Variants in DCDC1 observed in about 807,000 individuals in gnomAD.
DCDC1 encodes the protein doublecortin domain containing 1, also known as doublecortin domain-containing protein 1.
Under a neutral mutation model 178.3 loss-of-function variants are expected in DCDC1, and 200 were observed. That is an observed-to-expected ratio of 1.12 (90% confidence interval 1.00 to 1.26). DCDC1 has a LOEUF of 1.26. Among genes scored for constraint, DCDC1 ranks in the 50% most tolerant of loss-of-function variants. The pLI is 0.00. For missense variants in DCDC1, 1,983 were observed against 1,749.2 expected (o/e 1.13, Z -2.38); for synonymous variants, 690 against 604.8 (o/e 1.14, Z -2.07).
chr11:31,243,567 G>A (rs1297993107), intron 8 of DCDC1, among the ~76,000 whole-genome samples: 5 of 151,114 alleles, frequency 3.3e-5, no homozygotes, highest in Non-Finnish European at 5.9e-5. Flanking sequence ...TCAGCTCAAG[G>A]GATTCCAAAA....
At chr11:31,167,989 G>T (rs917310717) in intron 9 of DCDC1, among the ~76,000 whole-genome samples, 1 of 152,104 alleles carries the variant, frequency 6.6e-6, no homozygotes, top group African/African-American at 2.4e-5. Context: ...AATGCCCTGG[G>T]TATGTGTGCA....
intron 1 of DCDC1, among the ~76,000 whole-genome samples, chr11:31,359,243 A>T (rs1157073651): frequency 4.6e-5 from 7 of 152,204 alleles, no homozygotes; most frequent in Non-Finnish European, 8.8e-5. Flanking sequence ...ACCATGGAAT[A>T]CTATGCAGCC....
chr11:31,119,969 G>A (rs1038167685), intron 11 of DCDC1, among the ~76,000 whole-genome samples: 2 of 152,174 alleles, frequency 1.3e-5, no homozygotes, highest in African/African-American at 4.8e-5. Context: ...TCAAAAAGGT[G>A]TTCTATGCTT....
intron 9 of DCDC1, among the ~76,000 whole-genome samples, chr11:31,149,112 A>G (rs1964839575): frequency 6.6e-6 from 1 of 152,210 alleles, no homozygotes. Context: ...TATGGTGTAT[A>G]TATACCACGT....
chr11:31,205,484 G>T (rs1971759484), intron 9 of DCDC1, among the ~76,000 whole-genome samples: 1 of 152,144 alleles, frequency 6.6e-6, no homozygotes, highest in Admixed American at 6.5e-5. Flanking sequence ...CAGAGTTAAT[G>T]TTATTGGATC....
intron 3 of DCDC1, 35 bp from the exon 4 acceptor site, chr11:31,307,943 T>C (rs549378859): frequency 6.2e-7 from 1 of 1,608,738 alleles, no homozygotes; most frequent in South Asian, 1.1e-5. Context: ...ATACAATTAA[T>C]TGATTTGTAA....
At chr11:31,011,097 C>A (rs1348563984) in intron 20 of DCDC1, among the ~76,000 whole-genome samples, 3 of 151,964 alleles carry the variant, frequency 2.0e-5, no homozygotes, top group Non-Finnish European at 4.4e-5. Context: ...ATAAATAGTG[C>A]TGCAACAATT....
At chr11:31,148,918 C>A (rs1193014476) in intron 9 of DCDC1, among the ~76,000 whole-genome samples, 1 of 151,934 alleles carries the variant, frequency 6.6e-6, no homozygotes, top group African/African-American at 2.4e-5. Flanking sequence ...CCCAAGTCCC[C>A]AAAATCCATT....
chr11:31,045,356 A>G (rs536511888), intron 20 of DCDC1, among the ~76,000 whole-genome samples: 1 of 151,566 alleles, frequency 6.6e-6, no homozygotes, highest in African/African-American at 2.4e-5. Flanking sequence ...CTCTCCCTCA[A>G]GTTTACTGAA....
In DCDC1 at chr11:31,098,382, T is replaced by C. The variant is rs182640326; in HGVS notation, c.1983+3795A>G. On this transcript the variant is annotated intron_variant, in intron 15 of 38. Transcript: ENST00000684477. ...GTCAATGTGTAGTAGATTCCAAATC[T>C]GTTTTTGAAATGGATAAGAGAGCAA... Among the ~76,000 whole-genome samples the C allele has an allele frequency of 6.4e-4, 98 of 152,312 alleles. 1 individual carries two copies. Among genetic ancestry groups the C allele is most frequent in the African/African-American group, 2.0e-3 (85 of 41,584 alleles).
intron 20 of DCDC1, among the ~76,000 whole-genome samples, chr11:31,063,614 C>T (rs1271268594): frequency 6.6e-6 from 1 of 152,098 alleles, no homozygotes; most frequent in East Asian, 1.9e-4. Context: ...TGTGGTGGCT[C>T]ATGCTGATAA....
chr11:31,365,329 T>C (rs143382669), intron 1 of DCDC1, among the ~76,000 whole-genome samples: 132 of 152,284 alleles, frequency 8.7e-4, no homozygotes, highest in African/African-American at 3.1e-3. Flanking sequence ...GAGACAATCA[T>C]TCAATTTTGG....
intron 28 of DCDC1, among the ~76,000 whole-genome samples, chr11:30,909,752 T>G (rs1945315856): frequency 6.6e-6 from 1 of 152,166 alleles, no homozygotes; most frequent in South Asian, 2.1e-4. Flanking sequence ...TTAATTTATA[T>G]TTCATTGATT....
chr11:31,250,708 C>T (rs1943965587), intron 8 of DCDC1, among the ~76,000 whole-genome samples: 3 of 150,980 alleles, frequency 2.0e-5, no homozygotes, highest in Admixed American at 1.3e-4. Flanking sequence ...TAGACCTAGA[C>T]CCTCTCTCAT....
chr11:30,988,876 T>G (rs1391681154), intron 20 of DCDC1, among the ~76,000 whole-genome samples: 2 of 152,212 alleles, frequency 1.3e-5, no homozygotes, highest in East Asian at 3.8e-4. Context: ...TGGCCCCAAA[T>G]ACTTCAAATG....
intron 20 of DCDC1, among the ~76,000 whole-genome samples, chr11:30,956,887 C>T (rs1306638333): frequency 6.6e-6 from 1 of 152,208 alleles, no homozygotes; most frequent in Admixed American, 6.5e-5. Context: ...TTGACTCCAA[C>T]CCCTGAGGGG....
rs772361861 is a variant in DCDC1, at chr11:30,931,842, C to T, written c.2826G>A (p.Gln942=). Residue 942 remains glutamine, a synonymous_variant, in exon 22 of 39, where the codon CAG becomes CAA. Transcript: ENST00000684477. The part of the protein sequence containing the change: ...PYAPVRLRVL[Q]NGEKNKNRSV... ...ATCTGTTTTTATTCTTCTCTCCATT[C>T]TGCAAAACTCTGAGTCGCACAGGGG... is the stretch of plus-strand genomic sequence containing the variant. 6.2e-7 allele frequency: 1 copy of T among 1,612,954 alleles called. No individual in the cohort carries two copies. The highest frequency in any genetic ancestry group is 1.3e-5 in the African/African-American group (1 of 74,880).
intron 3 of DCDC1, among the ~76,000 whole-genome samples, chr11:31,309,425 A>G (rs771579883): frequency 6.6e-5 from 10 of 152,198 alleles, no homozygotes; most frequent in Non-Finnish European, 1.2e-4. Flanking sequence ...TAAGCCACTC[A>G]GATTTTGATA....
At chr11:30,941,426 A>T (rs1310908775) in intron 21 of DCDC1, among the ~76,000 whole-genome samples, 1 of 151,858 alleles carries the variant, frequency 6.6e-6, no homozygotes, top group African/African-American at 2.4e-5. Context: ...CCTCTCCCTC[A>T]CTCACACTGC....
Sources: allele counts gnomAD v4.1 joint callset (sites outside exome capture counted in the v4.1 genomes callset), GRCh38; gene constraint gnomAD v4.1.1; transcripts MANE v1.5; gene names NCBI Gene and HGNC (gene_info 2026-07-23, HGNC 2026-07-21).